EIPR1: variants seen among roughly 807,000 people sequenced by gnomAD.
EIPR1 encodes EARP and GARP complex-interacting protein 1.
In EIPR1, 25 loss-of-function variants were observed where a neutral mutation model predicts 48.1. The ratio of observed to expected loss-of-function variants is 0.52; its 90% CI spans 0.38 to 0.73. The LOEUF (loss-of-function observed/expected upper bound fraction) is 0.73. Among genes scored for constraint, EIPR1 ranks in the 30% least tolerant of loss-of-function variants. The pLI is 0.00. For synonymous variants in EIPR1, 204 were observed against 201.9 expected (o/e 1.01, Z -0.09); for missense variants, 415 against 506.2 (o/e 0.82, Z 1.73).
At chr2:3,236,337 G>C (rs538426203) in intron 4 of EIPR1, among the ~76,000 whole-genome samples, 4 of 152,186 alleles carry the variant, frequency 2.6e-5, no homozygotes, top group Non-Finnish European at 5.9e-5. Context: ...GGCAAGTCAG[G>C]AACAAATCCC....
intron 4 of EIPR1, among the ~76,000 whole-genome samples, chr2:3,236,859 C>T (rs946352435): frequency 2.0e-5 from 3 of 152,156 alleles, no homozygotes; most frequent in Admixed American, 6.5e-5. Flanking sequence ...GAGGTCTGCA[C>T]GTGGCCTGAA....
At chr2:3,307,462 A>C (rs1353960661) in intron 3 of EIPR1, among the ~76,000 whole-genome samples, 2 of 152,244 alleles carry the variant, frequency 1.3e-5, no homozygotes, top group African/African-American at 4.8e-5. Context: ...CTGGGGCCCC[A>C]GAAAGCAGGC....
rs1668199177 is a variant in EIPR1, at chr2:3,286,803, G to C, written c.260-29348C>G. On this transcript the variant is annotated intron_variant, in intron 3 of 8. Coordinates refer to ENST00000382125, the MANE Select transcript of EIPR1 (RefSeq NM_003310.5). The surrounding 1 kb of genome is among the most constrained non-coding windows in gnomAD (Gnocchi z 4.2). ...ATACAGACAAGGAAACCAAGGCTTGGAGAGTTGAAGCCACCGTCCAAGAAC... is the reference window on the plus strand; with the variant it reads ...ATACAGACAAGGAAACCAAGGCTTGCAGAGTTGAAGCCACCGTCCAAGAAC... 6.6e-6 allele frequency among the ~76,000 whole-genome samples: 1 copy of C among 152,206 alleles called. No homozygotes were observed. The highest frequency in any genetic ancestry group is 2.4e-5 in the African/African-American group (1 of 41,450).
chr2:3,321,098 C>G (rs765680144), intron 3 of EIPR1, among the ~76,000 whole-genome samples: 3 of 152,174 alleles, frequency 2.0e-5, no homozygotes, highest in Non-Finnish European at 4.4e-5. Context: ...CTGAGGGGAA[C>G]GACACCACGC....
At position 3,246,594 on chromosome 2, in the gene EIPR1, G is replaced by T. The variant is rs201502855; in HGVS notation, c.416+10705C>A. ...CTTCCCCCAGAAACTGGCTCAGATG[G>T]CACACAGAGATCAGCTAGCCACCAT... On this transcript the variant is annotated intron_variant, in intron 4 of 8. Transcript: ENST00000382125. Among the ~76,000 whole-genome samples the T allele has an allele frequency of 9.9e-5, 15 of 152,174 alleles. No individual in the cohort carries two copies. In the East Asian group the frequency reaches 2.9e-3, roughly 30 times the overall value.
chr2:3,299,093 G>A (rs1668684779), intron 3 of EIPR1, among the ~76,000 whole-genome samples: 1 of 152,186 alleles, frequency 6.6e-6, no homozygotes, highest in South Asian at 2.1e-4. Context: ...TTAAAATGGG[G>A]GTTCTCATTT....
intron 4 of EIPR1, among the ~76,000 whole-genome samples, chr2:3,222,017 A>T (rs144914616): frequency 1.2e-3 from 180 of 152,160 alleles, no homozygotes; most frequent in Admixed American, 2.9e-3. Flanking sequence ...TTCACAAGAC[A>T]CTTATGTATG....
At chr2:3,306,197 G>A (rs567933535) in intron 3 of EIPR1, among the ~76,000 whole-genome samples, 4 of 152,240 alleles carry the variant, frequency 2.6e-5, no homozygotes, top group Admixed American at 6.5e-5. Context: ...GTCCCGCCCC[G>A]CCCCTTCCCT....
At chr2:3,227,439 G>A (rs934344476) in intron 4 of EIPR1, among the ~76,000 whole-genome samples, 3 of 152,208 alleles carry the variant, frequency 2.0e-5, no homozygotes, top group Non-Finnish European at 4.4e-5. Flanking sequence ...ATGACTTAGG[G>A]AATCTGGCAG....
chr2:3,255,181 T>C lies in EIPR1; in HGVS notation c.416+2118A>G, dbSNP rs1457995577. 4.3e-5 allele frequency among the ~76,000 whole-genome samples: 6 copies of C among 140,210 alleles called. No homozygotes were observed. In the South Asian group the frequency reaches 1.2e-3, roughly 29 times the overall value. The allele number at this position is 140,210 out of a possible 152,430, so 92.0% of individuals were successfully genotyped here. A position where few individuals can be genotyped will look rare whatever the true frequency, so the allele number is the denominator to read the frequency against. On this transcript the variant is annotated intron_variant, in intron 4 of 8. Transcript: ENST00000382125. ...GCCTGTTTAATATCAACAATTACTTTCTTACTTTCTTTTTTTTTTTTTTTA... is the reference window on the plus strand; with the variant it reads ...GCCTGTTTAATATCAACAATTACTTCCTTACTTTCTTTTTTTTTTTTTTTA...
intron 3 of EIPR1, among the ~76,000 whole-genome samples, chr2:3,260,497 TGAAGGAAG>T (rs56357528): frequency 2.6e-5 from 1 of 38,134 alleles, no homozygotes; most frequent in African/African-American, 1.0e-4. Flanking sequence ...TCTCAAAAAA[TGAAGGAAG>T]GAAGGGAGGG....
chr2:3,340,331 C>T (rs978778229), intron 2 of EIPR1, among the ~76,000 whole-genome samples: 2 of 152,192 alleles, frequency 1.3e-5, no homozygotes, highest in African/African-American at 4.8e-5. Flanking sequence ...CAAGGAGAAG[C>T]CAGATATGGC....
At chr2:3,191,925 G>A (rs1664618698) in intron 8 of EIPR1, among the ~76,000 whole-genome samples, 1 of 152,176 alleles carries the variant, frequency 6.6e-6, no homozygotes, top group Admixed American at 6.5e-5. Context: ...GTAGGACCCG[G>A]GTTTGAGACT....
In EIPR1 at chr2:3,286,401, G is replaced by A. The variant is rs1668186117; in HGVS notation, c.260-28946C>T. ...AGTGCCAGATTCCAGGAAGCCCCAGGAGTGGGCCCAGAAGGAGCAGTGCCA... is the reference window on the plus strand; with the variant it reads ...AGTGCCAGATTCCAGGAAGCCCCAGAAGTGGGCCCAGAAGGAGCAGTGCCA... On this transcript the variant is annotated intron_variant, in intron 3 of 8. Coordinates refer to ENST00000382125, the MANE Select transcript of EIPR1 (RefSeq NM_003310.5). The surrounding 1 kb of genome is among the most constrained non-coding windows in gnomAD (Gnocchi z 4.2). 6.6e-6 allele frequency among the ~76,000 whole-genome samples: 1 copy of A among 152,152 alleles called. No homozygotes were observed.
rs753632902 is a variant in EIPR1, at chr2:3,235,018, A to T, written c.417-20770T>A. Among the ~76,000 whole-genome samples the T allele has an allele frequency of 2.6e-4, 40 of 152,380 alleles. No homozygotes were observed. The Middle Eastern group carries it at 0.01, about 39-fold the overall frequency. On this transcript the variant is annotated intron_variant, in intron 4 of 8. Coordinates refer to ENST00000382125, the MANE Select transcript of EIPR1 (RefSeq NM_003310.5). ...TCTCTTTCATAAAAGGTGAGAAAAG[A>T]ATTTCAGCAAGGTAATTATCCTGCC...
intron 2 of EIPR1, among the ~76,000 whole-genome samples, chr2:3,342,709 G>A (rs895733337): frequency 1.3e-5 from 2 of 152,210 alleles, no homozygotes; most frequent in African/African-American, 2.4e-5. Flanking sequence ...TCCAGCCAGC[G>A]AGCACGCACA....
At chr2:3,214,479 C>G (rs963280873) in intron 4 of EIPR1, 21 of 428,420 alleles carry the variant, frequency 4.9e-5, no homozygotes, top group African/African-American at 3.9e-4. Flanking sequence ...AGTCCTAGCC[C>G]CCCACCTGGT....
intron 3 of EIPR1, among the ~76,000 whole-genome samples, chr2:3,261,161 C>G (rs1369068326): frequency 1.3e-5 from 2 of 152,048 alleles, no homozygotes; most frequent in African/African-American, 4.8e-5. Flanking sequence ...TAATGACCAA[C>G]GAGACCAGAG....
At chr2:3,211,577 C>T (rs1372505628) in intron 5 of EIPR1, among the ~76,000 whole-genome samples, 2 of 152,218 alleles carry the variant, frequency 1.3e-5, no homozygotes, top group Admixed American at 6.5e-5. Flanking sequence ...ATCTGATCCT[C>T]CTGTGGTACA....
Sources: gnomAD v4.1 joint callset for allele counts (sites outside exome capture counted in the v4.1 genomes callset) on GRCh38, gnomAD v4.1.1 for gene constraint, Gnocchi (gnomAD v3.1) non-coding constraint, MANE v1.5 for transcripts, NCBI Gene and HGNC (gene_info 2026-07-23, HGNC 2026-07-21) for gene names.